The following ZIM3 variants were observed in gnomAD, a reference collection of about 807,000 sequenced individuals.
ZIM3 encodes the protein zinc finger protein 657.
A neutral mutation model predicts 12.9 loss-of-function variants in ZIM3; 11 were observed. The observed-to-expected ratio is 0.85, with a 90% CI of 0.54 to 1.41. The LOEUF (loss-of-function observed/expected upper bound fraction) is 1.41, where lower values mean the gene tolerates loss of function less well. Ranked by LOEUF, ZIM3 falls within the 40% of genes most tolerant of loss-of-function variation. The probability of loss-of-function intolerance (pLI) is 0.00; values close to 1 mark genes in which losing one functional copy is unlikely to be tolerated. For synonymous variants in ZIM3, 205 were observed against 198.5 expected (o/e 1.03, Z -0.28); for missense variants, 604 against 557.2 (o/e 1.08, Z -0.85).
At chr19:57,142,954 G>A (rs2086920377) in intron 1 of ZIM3, among the ~76,000 whole-genome samples, 2 of 152,100 alleles carry the variant, frequency 1.3e-5, no homozygotes, top group African/African-American at 2.4e-5. Context: ...AGCACTTTGG[G>A]AGGCTGAAGC....
At position 57,135,790 on chromosome 19, in the gene ZIM3, G is replaced by A; in HGVS notation, c.547C>T (p.Gln183Ter). 6.2e-7 allele frequency: 1 copy of A among 1,614,068 alleles called. No individual in the cohort carries two copies. Among genetic ancestry groups the A allele is most frequent in the Admixed American group, 1.7e-5 (1 of 60,018 alleles). ...CAGGCATGCCTCCTCAGGTGACTTT[G>A]AAGGCGTGACTTTGAACTGAATAAC... ...RKLFSSKSRL[Q>*]SHLRRHACQK... is the part of the protein sequence containing the mutation. The change falls in exon 5 of 5, where the codon CAA becomes TAA. Residue 183 changes from glutamine to a stop codon, truncating the protein, a stop_gained. Coordinates refer to ENST00000269834, the MANE Select transcript of ZIM3 (RefSeq NM_052882.1). LOFTEE classifies it low-confidence loss of function (END_TRUNC).
Position 57,140,990 on chromosome 19 carries a change from G to T in ZIM3, c.15+1639C>A, listed in dbSNP as rs145127320. Among the ~76,000 whole-genome samples the T allele has an allele frequency of 1.1e-4, 17 of 152,252 alleles. No individual in the cohort carries two copies. The East Asian group carries it at 3.3e-3, about 29-fold the overall frequency. ...TACACACCGAACAAAGTTGGGAGAG[G>T]ACACACATTCAAGACACCAATCATT... is the stretch of plus-strand genomic sequence containing the variant. On this transcript the variant is annotated intron_variant, in intron 2 of 4. Coordinates refer to ENST00000269834, the MANE Select transcript of ZIM3 (RefSeq NM_052882.1).
chr19:57,138,366 C>T (rs549307549), intron 3 of ZIM3, 106 bp downstream of exon 3: 84 of 1,514,610 alleles, frequency 5.5e-5, no homozygotes, highest in Non-Finnish European at 7.5e-5. Flanking sequence ...AAAACATATG[C>T]GAAGTGAGGA....
At chr19:57,137,200 C>T (rs2086890937) in intron 3 of ZIM3, among the ~76,000 whole-genome samples, 1 of 152,088 alleles carries the variant, frequency 6.6e-6, no homozygotes, top group South Asian at 2.1e-4. Flanking sequence ...AATGCTTTTT[C>T]TGGGCTGGGT....
intron 3 of ZIM3, among the ~76,000 whole-genome samples, chr19:57,137,886 GGAAA>G (rs1441932153): frequency 0.02 from 1,062 of 54,396 alleles, 217 homozygotes; most frequent in East Asian, 0.18. Flanking sequence ...AAGGAAGGAA[GGAAA>G]GAAGGAAGGA....
chr19:57,139,898 G>A (rs1268681579), intron 2 of ZIM3, among the ~76,000 whole-genome samples: 1 of 151,978 alleles, frequency 6.6e-6, no homozygotes, highest in Non-Finnish European at 1.5e-5. Flanking sequence ...CCTGTTACAG[G>A]GGCCAGCGTC....
chr19:57,142,143 T>C (rs1051812900), intron 2 of ZIM3, among the ~76,000 whole-genome samples: 2 of 13,340 alleles, frequency 1.5e-4, no homozygotes, highest in Non-Finnish European at 3.5e-4. Flanking sequence ...GTAACCAAGC[T>C]TTTTTTTTTT....
In ZIM3 at chr19:57,135,081, T is replaced by C; in HGVS notation, c.1256A>G (p.Tyr419Cys). ...GGTTTTTCCACATTCACTACATCTA[T>C]AGGTCCTCTCTCCGCTATGAGTTTT... ...HQKTHSGERT[Y>C]RCSECGKTFI... The change falls in exon 5 of 5, where the codon TAT becomes TGT. Residue 419 changes from tyrosine (Y) to cysteine (C), a missense_variant. Physicochemically the swap from Tyr to Cys is radical, Grantham distance 194. Coordinates refer to ENST00000269834, the MANE Select transcript of ZIM3 (RefSeq NM_052882.1). 1 of 1,614,226 alleles carries C rather than the reference T, an allele frequency of 6.2e-7. No individual in the cohort carries two copies. The highest frequency in any genetic ancestry group is 1.1e-5 in the South Asian group (1 of 91,090).
intron 1 of ZIM3, among the ~76,000 whole-genome samples, chr19:57,144,172 C>T (rs1357694126): frequency 1.3e-5 from 2 of 152,142 alleles, no homozygotes; most frequent in East Asian, 3.8e-4. Flanking sequence ...CTACCTTGGC[C>T]TCCTGAATAG....
intron 1 of ZIM3, among the ~76,000 whole-genome samples, chr19:57,143,203 C>G (rs984139871): frequency 9.2e-5 from 14 of 151,900 alleles, no homozygotes; most frequent in Non-Finnish European, 1.5e-5. Flanking sequence ...TGGTGGCGGG[C>G]GCCTGTAGTC....
At chr19:57,141,415 AAAAAAAC>A (rs1309364966) in intron 2 of ZIM3, among the ~76,000 whole-genome samples, 1 of 149,496 alleles carries the variant, frequency 6.7e-6, no homozygotes, top group African/African-American at 2.5e-5. Context: ...AAAAAAAAAA[AAAAAAAC>A]AACAAAACAA....
intron 4 of ZIM3, among the ~76,000 whole-genome samples, chr19:57,136,474 C>A (rs2086887278): frequency 6.6e-6 from 1 of 151,608 alleles, no homozygotes; most frequent in Non-Finnish European, 1.5e-5. Context: ...ACCAGCCTGA[C>A]CAACATGGCG....
intron 1 of ZIM3, among the ~76,000 whole-genome samples, chr19:57,142,997 C>G (rs1339887318): frequency 1.3e-5 from 2 of 151,952 alleles, no homozygotes; most frequent in Non-Finnish European, 2.9e-5. Context: ...AGTTCGAGAC[C>G]AGCCTGTCCA....
intron 2 of ZIM3, among the ~76,000 whole-genome samples, chr19:57,139,453 T>C (rs2086904189): frequency 6.6e-6 from 1 of 151,908 alleles, no homozygotes; most frequent in Admixed American, 6.6e-5. Context: ...AGGCCTGGCA[T>C]GGTGGCTCAC....
intron 4 of ZIM3, among the ~76,000 whole-genome samples, chr19:57,136,527 G>A (rs1213650835): frequency 1.3e-5 from 2 of 151,896 alleles, no homozygotes; most frequent in South Asian, 4.2e-4. Context: ...CGCCGGGCAT[G>A]GTGGCAAGTG....
At chr19:57,142,428 A>G (rs2086917727) in intron 2 of ZIM3, among the ~76,000 whole-genome samples, 1 of 152,110 alleles carries the variant, frequency 6.6e-6, no homozygotes, top group Non-Finnish European at 1.5e-5. Context: ...GGTGTGAGCC[A>G]CCATGCCCAG....
intron 3 of ZIM3, 35 bp downstream of exon 3, chr19:57,138,437 G>A: frequency 6.2e-7 from 1 of 1,613,836 alleles, no homozygotes; most frequent in South Asian, 1.1e-5. Context: ...CACGCCTTAG[G>A]TTTTGAGTCC....
At chr19:57,144,521 G>C (rs989368949) in intron 1 of ZIM3, among the ~76,000 whole-genome samples, 1 of 152,080 alleles carries the variant, frequency 6.6e-6, no homozygotes, top group Non-Finnish European at 1.5e-5. Flanking sequence ...TAATTAGCTT[G>C]ATTTAATCAT....
chr19:57,137,119 C>T (rs1158944931), intron 3 of ZIM3, 148 bp from the exon 4 acceptor site: 9 of 745,782 alleles, frequency 1.2e-5, no homozygotes, highest in Non-Finnish European at 1.8e-5. Context: ...TGGGTATGTG[C>T]CATTGGTTGG....
Sources: gnomAD v4.1 joint callset for allele counts (sites outside exome capture counted in the v4.1 genomes callset) on GRCh38, gnomAD v4.1.1 for gene constraint, MANE v1.5 for transcripts, NCBI Gene and HGNC (gene_info 2026-07-23, HGNC 2026-07-21) for gene names.